The following CTNNA3 variants were observed in gnomAD, a reference collection of about 807,000 sequenced individuals.
CTNNA3 encodes catenin alpha-3.
In CTNNA3, 76 loss-of-function variants were observed where a neutral mutation model predicts 95.7. That is an observed-to-expected ratio of 0.79 (90% CI 0.66 to 0.96). The LOEUF (loss-of-function observed/expected upper bound fraction) is 0.96, where lower values mean the gene tolerates loss of function less well. Ranked by LOEUF, CTNNA3 falls within the 40% of genes least tolerant of loss-of-function variation. CTNNA3 has a pLI of 0.00. For missense variants in CTNNA3, 1,191 were observed against 1,089.8 expected (o/e 1.09, Z -1.31); for synonymous variants, 431 against 374.4 (o/e 1.15, Z -1.74).
intron 10 of CTNNA3, among the ~76,000 whole-genome samples, chr10:66,617,773 C>CAAAAG (rs1844577892): frequency 6.6e-6 from 1 of 151,844 alleles, no homozygotes; most frequent in Non-Finnish European, 1.5e-5. Flanking sequence ...GTCAAACTGT[C>CAAAAG]CCTGTTTGCA....
chr10:67,548,686 A>C (rs1341924560), intron 3 of CTNNA3, among the ~76,000 whole-genome samples: 1 of 152,170 alleles, frequency 6.6e-6, no homozygotes. Flanking sequence ...ACAACTTTAT[A>C]ATCTTGAGTT....
chr10:66,578,330 T>C (rs1843071044), intron 10 of CTNNA3, among the ~76,000 whole-genome samples: 1 of 151,956 alleles, frequency 6.6e-6, no homozygotes, highest in Non-Finnish European at 1.5e-5. Context: ...CCTGATTACT[T>C]TGGCTAGGAT....
intron 7 of CTNNA3, among the ~76,000 whole-genome samples, chr10:66,784,133 A>G (rs1336680798): frequency 6.6e-6 from 1 of 152,188 alleles, no homozygotes; most frequent in Non-Finnish European, 1.5e-5. Flanking sequence ...TAAGAATACA[A>G]TGGATGTATT....
At chr10:67,701,952 C>T in intron 1 of CTNNA3, among the ~76,000 whole-genome samples, 1 of 151,242 alleles carries the variant, frequency 6.6e-6, no homozygotes, top group East Asian at 1.9e-4. Flanking sequence ...AAATGGAAAA[C>T]AAAAAAAGGC....
At chr10:67,214,846 A>G (rs972225431) in intron 6 of CTNNA3, among the ~76,000 whole-genome samples, 1 of 151,350 alleles carries the variant, frequency 6.6e-6, no homozygotes, top group Non-Finnish European at 1.5e-5. Flanking sequence ...TTTTTTTCCT[A>G]TTTTCTTTTA....
At chr10:66,516,412 G>A (rs1840860447) in intron 11 of CTNNA3, among the ~76,000 whole-genome samples, 1 of 152,124 alleles carries the variant, frequency 6.6e-6, no homozygotes, top group Non-Finnish European at 1.5e-5. Flanking sequence ...CTCTGATTTT[G>A]TTTGTGTAGT....
intron 11 of CTNNA3, among the ~76,000 whole-genome samples, chr10:66,513,726 G>C (rs1332004386): frequency 1.3e-5 from 2 of 152,214 alleles, no homozygotes; most frequent in East Asian, 1.9e-4. Flanking sequence ...GCAGGCACAT[G>C]ATGGCCCAAT....
chr10:67,166,085 G>T (rs1861758432), intron 7 of CTNNA3, among the ~76,000 whole-genome samples: 1 of 152,160 alleles, frequency 6.6e-6, no homozygotes, highest in Admixed American at 6.5e-5. Flanking sequence ...GAGGAAGGGA[G>T]ACTTAGAAAC....
chr10:66,058,826 T>C (rs945333024), intron 15 of CTNNA3, among the ~76,000 whole-genome samples: 2 of 152,178 alleles, frequency 1.3e-5, no homozygotes, highest in African/African-American at 2.4e-5. Flanking sequence ...CTGGCTGTGA[T>C]ATTAAGTAAC....
Position 67,129,813 on chromosome 10 carries a change from C to G in CTNNA3, c.1047+50504G>C, listed in dbSNP as rs143397157. ...AAACATTTAGCAAACATCCACTGAT[C>G]ACAATCTGTAGTCAATCACTGTGCT... On this transcript the variant is annotated intron_variant, in intron 7 of 17. Coordinates refer to ENST00000433211, the MANE Select transcript of CTNNA3 (RefSeq NM_013266.4). 5.0e-3 allele frequency among the ~76,000 whole-genome samples: 766 copies of G among 152,262 alleles called. 6 individuals are homozygous for G. Among genetic ancestry groups the G allele is most frequent in the African/African-American group, 0.017 (715 of 41,558 alleles).
intron 3 of CTNNA3, among the ~76,000 whole-genome samples, chr10:67,552,841 T>C (rs1208674834): frequency 6.6e-6 from 1 of 152,182 alleles, no homozygotes; most frequent in Non-Finnish European, 1.5e-5. Context: ...GCAAAGGACA[T>C]GATCTCATTT....
intron 7 of CTNNA3, among the ~76,000 whole-genome samples, chr10:66,899,997 G>T (rs558445537): frequency 1.3e-5 from 2 of 152,104 alleles, no homozygotes; most frequent in South Asian, 2.1e-4. Context: ...GAGAGCAGGG[G>T]TTCTCCCAGC....
chr10:67,286,530 T>C (rs1319430770), intron 5 of CTNNA3, among the ~76,000 whole-genome samples: 2 of 152,234 alleles, frequency 1.3e-5, no homozygotes, highest in African/African-American at 2.4e-5. Flanking sequence ...CTTAGCTAAA[T>C]AGCTGGCACA....
Position 67,436,079 on chromosome 10 carries a change from T to A in CTNNA3, c.579+85763A>T, listed in dbSNP as rs1251636782. Among the ~76,000 whole-genome samples, 4 of 152,086 alleles carry A rather than the reference T, an allele frequency of 2.6e-5. No individual in the cohort carries two copies. In the East Asian group the frequency reaches 5.8e-4, roughly 22 times the overall value. ...CACTACCTGATTTCAAACTATACTA[T>A]AAGGCCATAGTCACCAAAACAGCAT... is the stretch of plus-strand genomic sequence containing the variant. On this transcript the variant is annotated intron_variant, in intron 5 of 17. Coordinates refer to ENST00000433211, the MANE Select transcript of CTNNA3 (RefSeq NM_013266.4).
intron 7 of CTNNA3, among the ~76,000 whole-genome samples, chr10:66,934,040 G>C (rs1340684987): frequency 1.3e-5 from 2 of 152,060 alleles, no homozygotes; most frequent in Non-Finnish European, 2.9e-5. Flanking sequence ...TAGGGATCCT[G>C]AACACGTGAG....
chr10:67,619,849 G>A (rs896873210), intron 2 of CTNNA3, among the ~76,000 whole-genome samples: 1 of 152,120 alleles, frequency 6.6e-6, no homozygotes, highest in Non-Finnish European at 1.5e-5. Context: ...AACTTCAGGG[G>A]TAGCTACAGT....
intron 7 of CTNNA3, among the ~76,000 whole-genome samples, chr10:66,811,673 C>T (rs967249236): frequency 1.3e-5 from 2 of 152,162 alleles, no homozygotes; most frequent in South Asian, 2.1e-4. Context: ...CATTTACAAA[C>T]GCTCTCAGTT....
At chr10:67,360,724 G>C (rs373780134) in intron 5 of CTNNA3, among the ~76,000 whole-genome samples, 24 of 152,136 alleles carry the variant, frequency 1.6e-4, no homozygotes, top group South Asian at 1.0e-3. Context: ...AGAGCAGAGA[G>C]GGGGAGGTGC....
intron 10 of CTNNA3, among the ~76,000 whole-genome samples, chr10:66,595,138 TG>T (rs1843670164): frequency 6.6e-6 from 1 of 152,048 alleles, no homozygotes; most frequent in African/African-American, 2.4e-5. Context: ...AAGATTCCAC[TG>T]TTCCAGCATC....
Sources: gnomAD v4.1 joint callset for allele counts (sites outside exome capture counted in the v4.1 genomes callset) on GRCh38, gnomAD v4.1.1 for gene constraint, MANE v1.5 for transcripts, NCBI Gene and HGNC (gene_info 2026-07-23, HGNC 2026-07-21) for gene names.